RGS6: variants seen among roughly 807,000 people sequenced by gnomAD.
The protein encoded by RGS6 is regulator of G protein signaling 6.
Under a neutral mutation model 78.5 loss-of-function variants are expected in RGS6, and 30 were observed. The observed-to-expected ratio is 0.38, with a 90% CI of 0.29 to 0.52. The LOEUF is 0.52. Among genes scored for constraint, RGS6 ranks in the 20% least tolerant of loss-of-function variants. RGS6 has a pLI of 0.85. For synonymous variants in RGS6, 206 were observed against 206.0 expected, an observed-to-expected ratio of 1.00 and a Z score of 0.00; for missense variants, 495 against 609.7, an observed-to-expected ratio of 0.81 and a Z score of 1.98.
intron 3 of RGS6, among the ~76,000 whole-genome samples, chr14:72,356,447 A>G (rs2080309977): frequency 6.6e-6 from 1 of 152,110 alleles, no homozygotes; most frequent in Non-Finnish European, 1.5e-5. Flanking sequence ...TCCTTTATAA[A>G]TTACCCAGTC....
chr14:72,409,805 C>A (rs922698002), intron 3 of RGS6, among the ~76,000 whole-genome samples: 2 of 152,100 alleles, frequency 1.3e-5, no homozygotes, highest in African/African-American at 4.8e-5. Context: ...TGAGTGAGAA[C>A]ATGCAGCGTT....
At chr14:72,242,799 A>G (rs1600276832) in intron 2 of RGS6, among the ~76,000 whole-genome samples, 2 of 143,404 alleles carry the variant, frequency 1.4e-5, no homozygotes, top group African/African-American at 2.6e-5. Flanking sequence ...TTTTTTAAAC[A>G]TATCTCTTGA....
At chr14:72,084,567 C>T (rs77506610) in intron 2 of RGS6, among the ~76,000 whole-genome samples, 5,153 of 152,200 alleles carry the variant, frequency 0.034, 119 homozygotes, top group African/African-American at 0.065. Flanking sequence ...TGCAATTCCC[C>T]GTAACTCAGA....
intron 2 of RGS6, among the ~76,000 whole-genome samples, chr14:72,070,256 C>G (rs889295409): frequency 6.6e-6 from 1 of 151,992 alleles, no homozygotes; most frequent in African/African-American, 2.4e-5. Flanking sequence ...AGGATTCTTC[C>G]AGGTCTGAGT....
intron 2 of RGS6, among the ~76,000 whole-genome samples, chr14:72,269,463 A>G (rs2059588091): frequency 6.7e-6 from 1 of 149,888 alleles, no homozygotes. Flanking sequence ...TGCCCATGCT[A>G]CTCCCTCTGC....
intron 2 of RGS6, among the ~76,000 whole-genome samples, chr14:72,321,544 A>T (rs1450264575): frequency 6.6e-6 from 1 of 152,094 alleles, no homozygotes; most frequent in Non-Finnish European, 1.5e-5. Flanking sequence ...AAAGGAAAGT[A>T]GAGGCCAATA....
chr14:72,181,019 C>G (rs2097167376), intron 2 of RGS6, among the ~76,000 whole-genome samples: 1 of 152,158 alleles, frequency 6.6e-6, no homozygotes, highest in East Asian at 1.9e-4. Flanking sequence ...CTCTCTCCTT[C>G]TATTTGTATT....
At chr14:72,584,715 C>T in the RGS6 span, among the ~76,000 whole-genome samples, 1 of 152,186 alleles carries the variant, frequency 6.6e-6, no homozygotes, top group Non-Finnish European at 1.5e-5. Context: ...CTGGGGAAGA[C>T]AGGGATTGAC....
intron 2 of RGS6, among the ~76,000 whole-genome samples, chr14:72,011,706 G>T (rs2085777159): frequency 1.3e-5 from 2 of 152,234 alleles, no homozygotes; most frequent in South Asian, 4.1e-4. Flanking sequence ...GGGTGGCATA[G>T]GTTATATGAA....
At chr14:71,893,723 T>C in the RGS6 span, among the ~76,000 whole-genome samples, 3 of 152,190 alleles carry the variant, frequency 2.0e-5, no homozygotes, top group East Asian at 5.8e-4. Flanking sequence ...TAAATACATA[T>C]GTACCATACA....
intron 12 of RGS6, among the ~76,000 whole-genome samples, chr14:72,486,226 T>TA: frequency 6.6e-6 from 1 of 152,292 alleles, no homozygotes; most frequent in East Asian, 1.9e-4. Context: ...ATGAGTCAAT[T>TA]AAACCTCTTT....
chr14:72,543,928 G>T (rs1012282585), intron 17 of RGS6, among the ~76,000 whole-genome samples: 3 of 152,180 alleles, frequency 2.0e-5, no homozygotes, highest in African/African-American at 7.2e-5. Context: ...TAGAGATGGG[G>T]TTTCACCATA....
In RGS6 at chr14:72,415,480, C is replaced by T. The variant is rs147108419; in HGVS notation, c.185-39048C>T. Among the ~76,000 whole-genome samples, 1,211 of 152,360 alleles carry T rather than the reference C, an allele frequency of 7.9e-3. 41 individuals are homozygous for T. The highest frequency in any genetic ancestry group is 0.052 in the East Asian group (269 of 5,180). The stretch of plus-strand genomic sequence containing the variant: ...AGGAAGGGAATTTCCTGACCCCTTG[C>T]GCTTCCTGGATGAGGCGATGCCTCG... On this transcript the variant is annotated intron_variant, in intron 3 of 17. Transcript: ENST00000553525.
Position 72,562,495 on chromosome 14 carries a change from G to C in RGS6, c.*28G>C. On this transcript the variant is annotated 3_prime_UTR_variant, in exon 18 of 18. Coordinates refer to ENST00000553525, the MANE Select transcript of RGS6 (RefSeq NM_001204424.2). The stretch of plus-strand genomic sequence containing the variant: ...GTTCCTACCGCAGGTCCAGGGCCTG[G>C]GCCCGCGGACCCCACAGGCAGGCGG... 1 of 1,610,456 alleles carries C rather than the reference G, an allele frequency of 6.2e-7. No homozygotes were observed. The highest frequency in any genetic ancestry group is 8.5e-7 in the Non-Finnish European group (1 of 1,179,934).
chr14:72,389,822 ATTAAT>A (rs1319305766), intron 3 of RGS6, among the ~76,000 whole-genome samples: 4 of 152,366 alleles, frequency 2.6e-5, no homozygotes, highest in African/African-American at 9.6e-5. Flanking sequence ...CTTTGTGTAA[ATTAAT>A]AAAGTTGAAG....
chr14:72,613,062 A>G, the RGS6 span, among the ~76,000 whole-genome samples: 1 of 151,984 alleles, frequency 6.6e-6, no homozygotes, highest in Non-Finnish European at 1.5e-5. Flanking sequence ...GCGCATGCAC[A>G]TGGGCATTCC....
intron 2 of RGS6, among the ~76,000 whole-genome samples, chr14:72,296,205 T>C (rs2152368516): frequency 6.6e-6 from 1 of 152,372 alleles, no homozygotes; most frequent in Non-Finnish European, 1.5e-5. Flanking sequence ...TTTTCCTTTT[T>C]ATGCCTGAGT....
chr14:72,370,975 C>G (rs1272502354), intron 3 of RGS6, among the ~76,000 whole-genome samples: 1 of 152,128 alleles, frequency 6.6e-6, no homozygotes, highest in Non-Finnish European at 1.5e-5. Context: ...TTCTTGTTGT[C>G]CTTAAAAGCT....
intron 13 of RGS6, among the ~76,000 whole-genome samples, chr14:72,500,748 A>G (rs921631989): frequency 1.3e-5 from 2 of 152,142 alleles, no homozygotes; most frequent in South Asian, 2.1e-4. Flanking sequence ...AACGAGACAA[A>G]TGTATTCTCT....
Sources: allele counts gnomAD v4.1 joint callset (sites outside exome capture counted in the v4.1 genomes callset), GRCh38; gene constraint gnomAD v4.1.1; transcripts MANE v1.5; gene names NCBI Gene and HGNC (gene_info 2026-07-23, HGNC 2026-07-21).